Variants in NME9 observed in about 807,000 individuals in gnomAD.
The protein encoded by NME9 is NME/NM23 family member 9, also known as thioredoxin domain-containing protein 6.
In NME9, 48 loss-of-function variants were observed where a neutral mutation model predicts 44.4. The ratio of observed to expected loss-of-function variants is 1.08; its 90% CI spans 0.86 to 1.37. The LOEUF is 1.37. Ranked by LOEUF, NME9 falls within the 40% of genes most tolerant of loss-of-function variation. The probability of loss-of-function intolerance (pLI) is 0.00; values close to 1 mark genes in which losing one functional copy is unlikely to be tolerated. For synonymous variants in NME9, 139 were observed against 147.1 expected (o/e 0.94, Z 0.40); for missense variants, 325 against 405.2 (o/e 0.80, Z 1.70).
chr3:138,291,685 ATC>A (rs1348969257), intron 8 of NME9, among the ~76,000 whole-genome samples: 1 of 152,234 alleles, frequency 6.6e-6, no homozygotes, highest in African/African-American at 2.4e-5. Context: ...GCTAGTAAAG[ATC>A]TCTCTGAGGA....
chr3:138,268,470 T>C (rs1030717696), intron 8 of NME9, among the ~76,000 whole-genome samples: 1 of 152,160 alleles, frequency 6.6e-6, no homozygotes, highest in African/African-American at 2.4e-5. Flanking sequence ...ACTGCTCTTA[T>C]ATTGCTCCAG....
intron 4 of NME9, among the ~76,000 whole-genome samples, chr3:138,317,347 G>A (rs1027530384): frequency 1.3e-5 from 2 of 152,200 alleles, no homozygotes; most frequent in Admixed American, 1.3e-4. Context: ...ACCCTAGCCT[G>A]GTGTTTGGAG....
At chr3:138,325,555 C>T (rs1163243967) in intron 1 of NME9, among the ~76,000 whole-genome samples, 1 of 151,958 alleles carries the variant, frequency 6.6e-6, no homozygotes, top group Non-Finnish European at 1.5e-5. Context: ...ATTACAGGCA[C>T]ATGCCACTAC....
In NME9 at chr3:138,276,426, T is replaced by A. The variant is rs1304254773; in HGVS notation, c.746-13840A>T. On this transcript the variant is annotated intron_variant, in intron 8 of 8. Coordinates refer to the NME9 transcript ENST00000317876. ...GGAACAAGACAAGTATGTCCATTTGTACCACTCCTGTTCAACATTGTGCTG... is the reference window on the plus strand; with the variant it reads ...GGAACAAGACAAGTATGTCCATTTGAACCACTCCTGTTCAACATTGTGCTG... Among the ~76,000 whole-genome samples the A allele has an allele frequency of 2.6e-5, 4 of 152,188 alleles. No homozygotes were observed. The East Asian group carries it at 7.7e-4, about 29-fold the overall frequency.
At chr3:138,262,615 T>C in intron 8 of NME9, 1 of 1,523,352 alleles carries the variant, frequency 6.6e-7, no homozygotes, top group Non-Finnish European at 8.9e-7. Context: ...AAAAAAAAAT[T>C]TAGGTGCCTA....
downstream of NME9, among the ~76,000 whole-genome samples, chr3:138,298,958 G>A (rs577920914): frequency 1.3e-4 from 20 of 152,306 alleles, no homozygotes; most frequent in South Asian, 4.1e-4. Context: ...AAGGTAAGGC[G>A]AAGAGAGTAG....
In NME9 at chr3:138,294,440, T is replaced by TAGA. The variant is rs2051275900; in HGVS notation, c.745+9064_745+9066dup. Among the ~76,000 whole-genome samples the TAGA allele has an allele frequency of 2.0e-5, 3 of 152,238 alleles. No homozygotes were observed. The South Asian group carries it at 6.2e-4, about 31-fold the overall frequency. ...AAACTTGTTTCTGAAAATGTCCTTGTAGAACCCTACTTGCTCATAACTTGG... is the reference window on the plus strand; with the variant it reads ...AAACTTGTTTCTGAAAATGTCCTTGTAGAAGAACCCTACTTGCTCATAACTTGG... On this transcript the variant is annotated intron_variant, in intron 8 of 8. Transcript: ENST00000317876.
intron 8 of NME9, chr3:138,272,981 G>A (rs1297759161): frequency 6.2e-7 from 1 of 1,602,596 alleles, no homozygotes; most frequent in East Asian, 2.2e-5. Context: ...TGGCATTTCA[G>A]GCTGAACAAA....
intron 8 of NME9, among the ~76,000 whole-genome samples, chr3:138,279,544 A>G (rs1339823290): frequency 6.6e-6 from 1 of 152,152 alleles, no homozygotes; most frequent in East Asian, 1.9e-4. Context: ...TATTGGGATA[A>G]TGCTGGCCTT....
Position 138,268,135 on chromosome 3 carries a change from C to G in NME9, c.746-5549G>C, listed in dbSNP as rs569282913. ...GTGCATGCTTGTAATCCCAGCTACT[C>G]GGGAGGCTGAGGCAAGAGAATCACT... On this transcript the variant is annotated intron_variant, in intron 8 of 8. Transcript: ENST00000317876. Among the ~76,000 whole-genome samples, 263 of 152,012 alleles carry G rather than the reference C, an allele frequency of 1.7e-3. 1 individual carries two copies. Among genetic ancestry groups the G allele is most frequent in the African/African-American group, 5.9e-3 (246 of 41,458 alleles).
intron 2 of NME9, 78 bp from the exon 3 acceptor site, chr3:138,319,659 T>C: frequency 1.3e-6 from 1 of 742,310 alleles, no homozygotes; most frequent in East Asian, 2.6e-5. Context: ...ACCTGTACAT[T>C]CTAACCCCCC....
At chr3:138,271,468 G>T (rs915553562) in intron 8 of NME9, among the ~76,000 whole-genome samples, 12 of 152,152 alleles carry the variant, frequency 7.9e-5, no homozygotes, top group Non-Finnish European at 1.8e-4. Flanking sequence ...CTTAAATGGC[G>T]TATGGGACTT....
intron 8 of NME9, chr3:138,274,500 A>G (rs765855433): frequency 3.7e-6 from 6 of 1,613,244 alleles, no homozygotes; most frequent in Non-Finnish European, 5.1e-6. Context: ...GCAAGCCGTC[A>G]CTCTTATTCT....
At chr3:138,296,080 C>T, downstream of NME9, 1 of 519,158 alleles carries the variant, frequency 1.9e-6, no homozygotes, top group East Asian at 3.3e-5. Flanking sequence ...TAGTAATTTC[C>T]TCAGAAGACT....
At chr3:138,283,464 C>T (rs1305635957) in intron 8 of NME9, among the ~76,000 whole-genome samples, 1 of 152,166 alleles carries the variant, frequency 6.6e-6, no homozygotes, top group African/African-American at 2.4e-5. Context: ...TTCATGCCTT[C>T]TCTATTCTCT....
chr3:138,273,664 C>G lies in NME9; in HGVS notation c.746-11078G>C, dbSNP rs78921954. Among the ~76,000 whole-genome samples the G allele has an allele frequency of 1.7e-3, 261 of 152,272 alleles. 1 individual carries two copies. The highest frequency in any genetic ancestry group is 5.9e-3 in the African/African-American group (244 of 41,568). Reference sequence around the variant, plus strand: ...GTTCCCCAAGAAACAATGCAAGTGGCCTTCAGGTAGATGAGGAAATATGAG... The same window carrying G: ...GTTCCCCAAGAAACAATGCAAGTGGGCTTCAGGTAGATGAGGAAATATGAG... On this transcript the variant is annotated intron_variant, in intron 8 of 8. Coordinates refer to the NME9 transcript ENST00000317876.
At chr3:138,295,219 C>G (rs1053568103) in intron 8 of NME9, among the ~76,000 whole-genome samples, 7 of 152,094 alleles carry the variant, frequency 4.6e-5, no homozygotes, top group African/African-American at 1.7e-4. Flanking sequence ...CTTTTCCTTT[C>G]CACCTGGCCA....
At chr3:138,275,669 T>G (rs1372477795) in intron 8 of NME9, among the ~76,000 whole-genome samples, 2 of 152,226 alleles carry the variant, frequency 1.3e-5, no homozygotes, top group Non-Finnish European at 1.5e-5. Context: ...CTTCAGGGGC[T>G]GTGCTTCTCA....
intron 8 of NME9, chr3:138,274,423 A>T: frequency 6.9e-7 from 1 of 1,453,498 alleles, no homozygotes; most frequent in Non-Finnish European, 9.6e-7. Context: ...TTCTTTGATA[A>T]TTATGGATTT....
Sources: gnomAD v4.1 joint callset for allele counts (sites outside exome capture counted in the v4.1 genomes callset) on GRCh38, gnomAD v4.1.1 for gene constraint, MANE v1.5 for transcripts, NCBI Gene and HGNC (gene_info 2026-07-23, HGNC 2026-07-21) for gene names.